GARIN5B: variants seen among roughly 807,000 people sequenced by gnomAD.
GARIN5B encodes the protein golgi associated RAB2 interactor family member 5B.
chr19:55,362,135 G>A, the GARIN5B span: 9 of 1,360,094 alleles, frequency 6.6e-6, no homozygotes, highest in African/African-American at 3.0e-5. Flanking sequence ...TCTACTCAGG[G>A]GTCCAGGCCC....
At chr19:55,355,397 G>A in the GARIN5B span, 3 of 1,538,002 alleles carry the variant, frequency 2.0e-6, no homozygotes, top group African/African-American at 2.8e-5. Flanking sequence ...GGTAGGGAGA[G>A]AGGGGTACCC....
At chr19:55,358,737 G>T in the GARIN5B span, 3 of 1,549,318 alleles carry the variant, frequency 1.9e-6, no homozygotes, top group Non-Finnish European at 2.6e-6. Flanking sequence ...GATTTCGAGG[G>T]CTGCTCTTTG....
chr19:55,361,408 A>G, the GARIN5B span: 1 of 1,522,950 alleles, frequency 6.6e-7, no homozygotes, highest in Non-Finnish European at 8.8e-7. Flanking sequence ...GGGCCTGCTC[A>G]CCTGCATGTC....
the GARIN5B span, among the ~76,000 whole-genome samples, chr19:55,355,757 G>A: frequency 2.0e-5 from 3 of 152,138 alleles, no homozygotes; most frequent in Non-Finnish European, 2.9e-5. Context: ...GGGCAGAGGC[G>A]GGAGGATTGC....
At chr19:55,361,073 C>T in the GARIN5B span, 20 of 1,550,990 alleles carry the variant, frequency 1.3e-5, no homozygotes, top group East Asian at 1.5e-4. Context: ...GAGTCGCCCA[C>T]GGCCTGAGAC....
At chr19:55,359,684 C>G in the GARIN5B span, 78 of 1,551,414 alleles carry the variant, frequency 5.0e-5, no homozygotes, top group East Asian at 1.9e-3. Context: ...GGGTGGTGGC[C>G]CCGGCCCCTG....
the GARIN5B span, chr19:55,360,849 T>C: frequency 6.5e-7 from 1 of 1,548,794 alleles, no homozygotes. Flanking sequence ...TGGGTTGATC[T>C]TACCAGGCAA....
At chr19:55,358,772 G>A in the GARIN5B span, 2 of 1,549,460 alleles carry the variant, frequency 1.3e-6, no homozygotes, top group East Asian at 2.4e-5. Context: ...CATGAGCTTG[G>A]TGAGGGTGAG....
At chr19:55,361,791 C>T in the GARIN5B span, among the ~76,000 whole-genome samples, 7 of 9,396 alleles carry the variant, frequency 7.4e-4, no homozygotes, top group Non-Finnish European at 1.1e-3. Flanking sequence ...GACCCCACAG[C>T]CCCTCCTCCC....
the GARIN5B span, chr19:55,363,189 A>C: frequency 3.8e-6 from 4 of 1,048,148 alleles, no homozygotes; most frequent in African/African-American, 5.1e-5. The surrounding 1 kb of genome is among the most constrained non-coding windows in gnomAD (Gnocchi z 4.0). Context: ...AGCGTTACAG[A>C]GCGTGGAGAT....
At chr19:55,361,927 C>G in the GARIN5B span, among the ~76,000 whole-genome samples, 1 of 148,324 alleles carries the variant, frequency 6.7e-6, no homozygotes, top group East Asian at 2.0e-4. Flanking sequence ...GAGTCCAGGC[C>G]CCCAGTCCCT....
chr19:55,363,005 G>A, the GARIN5B span: 1 of 1,488,730 alleles, frequency 6.7e-7, no homozygotes, highest in Non-Finnish European at 8.9e-7. This position sits in a 1 kb window ranked among gnomAD's most constrained non-coding sequence, Gnocchi z 4.0. Context: ...CCCCAGAACA[G>A]GGACCCACTT....
the GARIN5B span, chr19:55,361,392 A>T: frequency 1.0e-5 from 16 of 1,532,492 alleles, no homozygotes; most frequent in South Asian, 1.5e-4. Flanking sequence ...GTCCTGACAA[A>T]CAGCAGGGCC....
At chr19:55,355,499 G>C in the GARIN5B span, among the ~76,000 whole-genome samples, 1 of 152,050 alleles carries the variant, frequency 6.6e-6, no homozygotes, top group Non-Finnish European at 1.5e-5. Flanking sequence ...ATCTGCCTGG[G>C]GCAGAGTCTG....
the GARIN5B span, chr19:55,358,455 C>T: frequency 1.3e-6 from 2 of 1,524,914 alleles, no homozygotes; most frequent in Non-Finnish European, 1.8e-6. Context: ...TTCAGACTGG[C>T]AGAGGTGGGC....
At chr19:55,358,386 G>A in the GARIN5B span, 41 of 1,508,040 alleles carry the variant, frequency 2.7e-5, no homozygotes, top group African/African-American at 1.4e-4. Context: ...GGCGATGGCC[G>A]TAAGTCCTCC....
At chr19:55,362,946 GC>G in the GARIN5B span, 5 of 1,504,776 alleles carry the variant, frequency 3.3e-6, no homozygotes, top group Middle Eastern at 1.7e-4. Context: ...AACATGGGCA[GC>G]GGACGGAGGG....
chr19:55,360,038 G>A, the GARIN5B span: 19 of 1,474,234 alleles, frequency 1.3e-5, no homozygotes, highest in Middle Eastern at 5.0e-4. Flanking sequence ...CCCCAGACCC[G>A]GGAGGGCAGA....
the GARIN5B span, chr19:55,355,418 G>T: frequency 6.7e-7 from 1 of 1,484,640 alleles, no homozygotes; most frequent in South Asian, 1.2e-5. Context: ...AGGGCTTTAA[G>T]AGCTGCAGAT....
Sources: gnomAD v4.1 joint callset for allele counts (sites outside exome capture counted in the v4.1 genomes callset) on GRCh38, gnomAD v4.1.1 for gene constraint, Gnocchi (gnomAD v3.1) non-coding constraint, MANE v1.5 for transcripts, NCBI Gene and HGNC (gene_info 2026-07-23, HGNC 2026-07-21) for gene names.